Variants in OR3A2 observed in about 807,000 individuals in gnomAD.
OR3A2 encodes the protein olfactory receptor family 3 subfamily A member 2.
For missense variants in OR3A2, 318 were observed against 392.8 expected (o/e 0.81, Z 1.61); for synonymous variants, 126 against 159.3 (o/e 0.79, Z 1.57).
chr17:3,352,001 T>C (rs2049423806), intron 2 of OR3A2, among the ~76,000 whole-genome samples: 1 of 152,092 alleles, frequency 6.6e-6, no homozygotes, highest in African/African-American at 2.4e-5. Context: ...TGAAACTGGA[T>C]CCCTTCCTTA....
At chr17:3,286,143 C>G (rs1416124718), upstream of OR3A2, among the ~76,000 whole-genome samples, 1 of 152,132 alleles carries the variant, frequency 6.6e-6, no homozygotes, top group Non-Finnish European at 1.5e-5. Flanking sequence ...TCAACTCCCA[C>G]TTATGAGTGA....
intron 3 of OR3A2, among the ~76,000 whole-genome samples, chr17:3,329,543 G>A (rs956834627): frequency 8.2e-6 from 1 of 121,214 alleles, no homozygotes; most frequent in African/African-American, 3.4e-5. Flanking sequence ...TATTTCTGTG[G>A]GATCGGTGGT....
chr17:3,300,099 G>A (rs568863844), intron 3 of OR3A2, among the ~76,000 whole-genome samples: 8 of 151,236 alleles, frequency 5.3e-5, no homozygotes, highest in Non-Finnish European at 1.0e-4. Context: ...CACAAAGCAT[G>A]ATTTTAACAA....
At chr17:3,302,262 C>T (rs1167828739) in intron 3 of OR3A2, among the ~76,000 whole-genome samples, 1 of 152,094 alleles carries the variant, frequency 6.6e-6, no homozygotes, top group African/African-American at 2.4e-5. Flanking sequence ...TCATATGGAA[C>T]CAAAAAAGAG....
chr17:3,296,056 TA>T (rs2048915877), intron 3 of OR3A2, among the ~76,000 whole-genome samples: 1 of 152,152 alleles, frequency 6.6e-6, no homozygotes, highest in African/African-American at 2.4e-5. Context: ...ATTGACATTG[TA>T]CACCTTCCTT....
intron 1 of OR3A2, among the ~76,000 whole-genome samples, chr17:3,281,873 C>A (rs932771523): frequency 6.6e-6 from 1 of 152,098 alleles, no homozygotes; most frequent in African/African-American, 2.4e-5. Flanking sequence ...ATGCTCAGGC[C>A]TTTCACCAAG....
At chr17:3,353,794 AG>A in intron 2 of OR3A2, among the ~76,000 whole-genome samples, 1 of 151,954 alleles carries the variant, frequency 6.6e-6, no homozygotes, top group South Asian at 2.1e-4. Flanking sequence ...CATCACCTCA[AG>A]CACTTATGTT....
intron 2 of OR3A2, among the ~76,000 whole-genome samples, chr17:3,375,139 CT>C (rs552615698): frequency 8.7e-4 from 25 of 28,716 alleles, no homozygotes; most frequent in African/African-American, 1.3e-3. Context: ...AGCCTTCTTC[CT>C]TTTTTTTTTT....
At chr17:3,370,674 A>AG (rs1042652565) in intron 2 of OR3A2, among the ~76,000 whole-genome samples, 10 of 149,374 alleles carry the variant, frequency 6.7e-5, no homozygotes, top group Non-Finnish European at 1.5e-4. Context: ...TTTCTCGCAG[A>AG]GGGGGATTTG....
intron 2 of OR3A2, among the ~76,000 whole-genome samples, chr17:3,378,691 T>C (rs977205997): frequency 6.6e-6 from 1 of 152,156 alleles, no homozygotes; most frequent in African/African-American, 2.4e-5. Context: ...GCCACCACTA[T>C]CACTTCTGCA....
chr17:3,376,107 A>T (rs549186398), intron 2 of OR3A2, among the ~76,000 whole-genome samples: 1 of 152,364 alleles, frequency 6.6e-6, no homozygotes, highest in South Asian at 2.1e-4. Flanking sequence ...TCACATGGAC[A>T]AACTCAGGAT....
In OR3A2 at chr17:3,278,931, G is replaced by A. The variant is rs763748401; in HGVS notation, c.-6-8C>T. 1.3e-6 allele frequency: 2 copies of A among 1,540,088 alleles called. No individual in the cohort carries two copies. Among genetic ancestry groups the A allele is most frequent in the Non-Finnish European group, 1.7e-6 (2 of 1,147,808 alleles). Reference sequence around the variant, plus strand: ...TTCTGGCTCCATGAGTTTCTGTAAGGACATGTCCCAGCAGGGGAGGTATCA... The same window carrying A: ...TTCTGGCTCCATGAGTTTCTGTAAGAACATGTCCCAGCAGGGGAGGTATCA... On this transcript the variant is annotated splice_region_variant and splice_polypyrimidine_tract_variant and intron_variant, in intron 1 of 1. Coordinates refer to ENST00000642052, the Ensembl canonical transcript of OR3A2.
chr17:3,330,108 T>G (rs566652471), intron 3 of OR3A2, among the ~76,000 whole-genome samples: 1 of 147,704 alleles, frequency 6.8e-6, no homozygotes, highest in African/African-American at 2.6e-5. Flanking sequence ...CTTTTACATT[T>G]GCTGAGGAGA....
intron 3 of OR3A2, among the ~76,000 whole-genome samples, chr17:3,320,769 T>C (rs1400915749): frequency 6.6e-6 from 1 of 152,066 alleles, no homozygotes; most frequent in Non-Finnish European, 1.5e-5. Context: ...CCATGCTGTT[T>C]TGGTTACTGT....
At chr17:3,291,975 A>G (rs770232581) in intron 3 of OR3A2, 1 of 1,614,236 alleles carries the variant, frequency 6.2e-7, no homozygotes, top group South Asian at 1.1e-5. Context: ...ACCCACAGCA[A>G]AAAGCAGCAG....
chr17:3,365,858 A>C (rs973978619), intron 2 of OR3A2, among the ~76,000 whole-genome samples: 3 of 152,242 alleles, frequency 2.0e-5, no homozygotes, highest in African/African-American at 7.2e-5. Context: ...CAAAAAGGAA[A>C]AATTTTTGGA....
chr17:3,286,687 A>C (rs61242577), upstream of OR3A2, among the ~76,000 whole-genome samples: 2,825 of 150,956 alleles, frequency 0.019, 132 homozygotes, highest in African/African-American at 0.065. Context: ...TGATGACGAG[A>C]TTTTTTTCAT....
intron 3 of OR3A2, among the ~76,000 whole-genome samples, chr17:3,301,913 T>C (rs1489552079): frequency 6.6e-6 from 1 of 152,102 alleles, no homozygotes; most frequent in South Asian, 2.1e-4. Flanking sequence ...CAAGCATTCC[T>C]ATAACAGACA....
chr17:3,295,610 C>T (rs564447401), intron 3 of OR3A2, among the ~76,000 whole-genome samples: 22 of 151,922 alleles, frequency 1.4e-4, no homozygotes, highest in African/African-American at 5.1e-4. Context: ...ATGATAAAGC[C>T]GAGTGGGCCA....
Sources: allele counts gnomAD v4.1 joint callset (sites outside exome capture counted in the v4.1 genomes callset), GRCh38; gene constraint gnomAD v4.1.1; transcripts MANE v1.5; gene names NCBI Gene and HGNC (gene_info 2026-07-23, HGNC 2026-07-21).